The following SCGN variants were observed in gnomAD, a reference collection of about 807,000 sequenced individuals.
SCGN encodes the protein secretagogin, EF-hand calcium binding protein, also known as secretagogin.
A neutral mutation model predicts 39.7 loss-of-function variants in SCGN; 30 were observed. That is an observed-to-expected ratio of 0.76 (90% CI 0.57 to 1.03). The LOEUF (loss-of-function observed/expected upper bound fraction) is 1.03. Among genes scored for constraint, SCGN ranks in the 50% least tolerant of loss-of-function variants. SCGN has a pLI of 0.00. For missense variants in SCGN, 353 were observed against 349.4 expected (o/e 1.01, Z -0.08); for synonymous variants, 106 against 114.1 (o/e 0.93, Z 0.45).
chr6:25,679,969 G>T (rs937726435), intron 6 of SCGN, among the ~76,000 whole-genome samples: 1 of 152,182 alleles, frequency 6.6e-6, no homozygotes, highest in Non-Finnish European at 1.5e-5. Context: ...TCTGGTGACA[G>T]ATATACTTAG....
intron 2 of SCGN, among the ~76,000 whole-genome samples, chr6:25,661,309 T>A (rs1760331630): frequency 6.6e-6 from 1 of 152,156 alleles, no homozygotes; most frequent in Admixed American, 6.6e-5. Context: ...CATCAATATT[T>A]TAGTAACTCA....
intron 10 of SCGN, among the ~76,000 whole-genome samples, chr6:25,694,217 ATT>A (rs903357457): frequency 6.6e-6 from 1 of 152,164 alleles, no homozygotes; most frequent in Non-Finnish European, 1.5e-5. Context: ...AAAAGTCATG[ATT>A]TTTGAATCTG....
intron 6 of SCGN, chr6:25,679,222 C>A (rs941441676): frequency 3.2e-5 from 5 of 153,970 alleles, no homozygotes; most frequent in Non-Finnish European, 5.8e-5. Flanking sequence ...AAGAAATAGC[C>A]ACTCAGCCCA....
At chr6:25,667,915 A>T (rs1475654988) in intron 4 of SCGN, among the ~76,000 whole-genome samples, 3 of 152,240 alleles carry the variant, frequency 2.0e-5, no homozygotes, top group Admixed American at 6.5e-5. Context: ...TTTTAAAATT[A>T]TTTGAAATTC....
At chr6:25,652,645 A>G (rs1760154507) in intron 1 of SCGN, among the ~76,000 whole-genome samples, 160 bp downstream of exon 1, 1 of 152,194 alleles carries the variant, frequency 6.6e-6, no homozygotes, top group African/African-American at 2.4e-5. Context: ...CGTTTGGCAT[A>G]CTGGTGATAC....
intron 4 of SCGN, among the ~76,000 whole-genome samples, chr6:25,667,752 A>T (rs1760446141): frequency 6.6e-6 from 1 of 152,040 alleles, no homozygotes; most frequent in African/African-American, 2.4e-5. Flanking sequence ...TTGTCTGGAA[A>T]TGTCTTTACT....
rs974663156 is a variant in SCGN at position 25,661,575 on chromosome 6, G to C, written c.177G>C (p.Leu59Phe). The stretch of plus-strand genomic sequence containing the variant: ...AGGACACGGTCATGAAAGCAAATTT[G>C]CACAAGGTGAAACAGCAGTTTATGA... Reference protein sequence around the residue: ...GTDDTVMKANLHKVKQQFMTT... With the variant: ...GTDDTVMKANFHKVKQQFMTT... Residue 59 changes from leucine to phenylalanine, a missense_variant, in exon 3 of 11, where the codon TTG (leucine) becomes TTC (phenylalanine). Leu to Phe is a conservative substitution (Grantham distance 22, BLOSUM62 0). Coordinates refer to ENST00000377961, the MANE Select transcript of SCGN (RefSeq NM_006998.4). The C allele has an allele frequency of 6.2e-7, 1 of 1,613,528 alleles. No individual in the cohort carries two copies. The highest frequency in any genetic ancestry group is 8.5e-7 in the Non-Finnish European group (1 of 1,179,618).
In SCGN at chr6:25,685,298, A is replaced by C. The variant is rs184240757; in HGVS notation, c.527+3292A>C. On this transcript the variant is annotated intron_variant, in intron 7 of 10. Coordinates refer to ENST00000377961, the MANE Select transcript of SCGN (RefSeq NM_006998.4). ...CTAGGAAACTAATACAACAACAAAG[A>C]GGCCTTAAAACATTTCCAGATAGGA... 7.7e-4 allele frequency among the ~76,000 whole-genome samples: 117 copies of C among 152,318 alleles called. 1 individual carries two copies. Among genetic ancestry groups the C allele is most frequent in the Admixed American group, 5.9e-3 (90 of 15,300 alleles).
chr6:25,677,196 T>C (rs931686085), intron 6 of SCGN, among the ~76,000 whole-genome samples: 1 of 152,224 alleles, frequency 6.6e-6, no homozygotes, highest in African/African-American at 2.4e-5. Context: ...AGAACTTACC[T>C]GAATTCTTAT....
intron 10 of SCGN, among the ~76,000 whole-genome samples, chr6:25,691,859 A>G (rs1010478153): frequency 6.6e-6 from 1 of 152,178 alleles, no homozygotes; most frequent in South Asian, 2.1e-4. Context: ...TTAGAGTAGC[A>G]ATTATGAACT....
intron 2 of SCGN, among the ~76,000 whole-genome samples, chr6:25,660,560 A>G (rs1391649870): frequency 6.6e-6 from 1 of 152,222 alleles, no homozygotes; most frequent in African/African-American, 2.4e-5. Context: ...TCCTTATCTC[A>G]GGATGTTGCA....
chr6:25,666,985 G>C (rs923269960), intron 4 of SCGN, among the ~76,000 whole-genome samples: 4 of 152,124 alleles, frequency 2.6e-5, no homozygotes, highest in African/African-American at 9.7e-5. Flanking sequence ...CTGCCCAAGT[G>C]TATAGACAAT....
In SCGN at chr6:25,686,648, G is replaced by A. The variant is rs376344900; in HGVS notation, c.528-2524G>A. ...AAAACTTTTTTCCATTATGAGAGTC[G>A]TGTTTTCATTTTCTTGATGATGTCC... On this transcript the variant is annotated intron_variant, in intron 7 of 10. Coordinates refer to ENST00000377961, the MANE Select transcript of SCGN (RefSeq NM_006998.4). 1.6e-4 allele frequency among the ~76,000 whole-genome samples: 25 copies of A among 152,064 alleles called. No individual in the cohort carries two copies. The East Asian group carries it at 2.7e-3, about 16-fold the overall frequency.
intron 5 of SCGN, 39 bp downstream of exon 5, chr6:25,669,606 TG>T: frequency 1.3e-6 from 2 of 1,558,916 alleles, no homozygotes; most frequent in Non-Finnish European, 1.8e-6. Flanking sequence ...TGTTTATCAT[TG>T]GGAATTTGAT....
At chr6:25,683,119 A>G (rs1759658235) in intron 7 of SCGN, among the ~76,000 whole-genome samples, 1 of 152,104 alleles carries the variant, frequency 6.6e-6, no homozygotes, top group South Asian at 2.1e-4. Context: ...CTTTGTCCAC[A>G]TTGATATAGA....
chr6:25,669,991 C>T lies in SCGN; in HGVS notation c.394-8C>T, dbSNP rs779105519. On this transcript the variant is annotated splice_polypyrimidine_tract_variant and splice_region_variant and intron_variant, in intron 5 of 10. Coordinates refer to ENST00000377961, the MANE Select transcript of SCGN (RefSeq NM_006998.4). Reference sequence around the variant, plus strand: ...ATATAAAGTATGATTCTTCTCTTGGCGCCACAGAACTTCCTCCGAGACCTC... The same window carrying T: ...ATATAAAGTATGATTCTTCTCTTGGTGCCACAGAACTTCCTCCGAGACCTC... 53 of 1,610,680 alleles carry T rather than the reference C, an allele frequency of 3.3e-5. No homozygotes were observed. In the South Asian group the frequency reaches 4.3e-4, roughly 13 times the overall value.
chr6:25,687,591 G>A (rs2151382020), intron 7 of SCGN, among the ~76,000 whole-genome samples: 1 of 151,994 alleles, frequency 6.6e-6, no homozygotes, highest in South Asian at 2.1e-4. Flanking sequence ...GGATTCCTTA[G>A]GATTTTCTAT....
Position 25,701,309 on chromosome 6 carries a change from T to C in SCGN, c.805T>C (p.Cys269Arg). ...AATTCAGAAGTCTGAGCTGGCTTTG[T>C]GTCTTGGGCTGAAAATCAACCCATA... ...GKIQKSELAL[C>R]LGLKINP Residue 269 changes from cysteine to arginine, a missense_variant, in exon 11 of 11, where the codon TGT becomes CGT. Cys to Arg is a radical substitution (Grantham distance 180, BLOSUM62 -3). Coordinates refer to ENST00000377961, the MANE Select transcript of SCGN (RefSeq NM_006998.4). 6.2e-7 allele frequency: 1 copy of C among 1,612,954 alleles called. No individual in the cohort carries two copies.
intron 10 of SCGN, among the ~76,000 whole-genome samples, chr6:25,697,809 T>C (rs1169800049): frequency 6.6e-6 from 1 of 152,194 alleles, no homozygotes; most frequent in African/African-American, 2.4e-5. Flanking sequence ...AAAAGTTACA[T>C]TTTTACATGA....
Sources: gnomAD v4.1 joint callset for allele counts (sites outside exome capture counted in the v4.1 genomes callset) on GRCh38, gnomAD v4.1.1 for gene constraint, MANE v1.5 for transcripts, NCBI Gene and HGNC (gene_info 2026-07-23, HGNC 2026-07-21) for gene names.